GPR37: variants seen among roughly 807,000 people sequenced by gnomAD.
GPR37 encodes the protein G protein-coupled receptor 37, also known as prosaposin receptor GPR37.
In GPR37, 20 loss-of-function variants were observed where a neutral mutation model predicts 43.6. That is an observed-to-expected ratio of 0.46 (90% confidence interval 0.32 to 0.67). The LOEUF is 0.67. Among genes scored for constraint, GPR37 ranks in the 30% least tolerant of loss-of-function variants. The probability of loss-of-function intolerance (pLI) is 0.03; values close to 1 mark genes in which losing one functional copy is unlikely to be tolerated. For missense variants in GPR37, 724 were observed against 797.2 expected, an observed-to-expected ratio of 0.91 and a Z score of 1.11; for synonymous variants, 315 against 322.6, an observed-to-expected ratio of 0.98 and a Z score of 0.25.
At position 124,747,044 on chromosome 7, in the gene GPR37, C is replaced by T. The variant is rs764796365; in HGVS notation, c.1323G>A (p.Ala441=). The T allele has an allele frequency of 4.3e-6, 7 of 1,613,936 alleles. No homozygotes were observed. Among genetic ancestry groups the T allele is most frequent in the East Asian group, 4.5e-5 (2 of 44,854 alleles). The change falls in exon 2 of 2, where the codon GCG becomes GCA. Residue 441 remains alanine (A), a synonymous_variant. Coordinates refer to ENST00000303921, the MANE Select transcript of GPR37 (RefSeq NM_005302.5). ...IYVLALTYDS[A]RLWWYFGCYF... The stretch of plus-strand genomic sequence containing the variant: ...AACAGCCAAAATACCACCACAGTCT[C>T]GCACTGTCGTAGGTGAGGGCTAGAA...
intron 1 of GPR37, among the ~76,000 whole-genome samples, chr7:124,761,669 C>T (rs1300078280): frequency 6.6e-6 from 1 of 152,168 alleles, no homozygotes; most frequent in Non-Finnish European, 1.5e-5. Context: ...CCCTAAATAC[C>T]TCTTACTTTT....
intron 1 of GPR37, among the ~76,000 whole-genome samples, chr7:124,758,958 T>G (rs1272980964): frequency 2.0e-5 from 3 of 152,242 alleles, no homozygotes; most frequent in African/African-American, 7.2e-5. Context: ...AAACAGACCT[T>G]AATCTGTTAT....
rs1793907850 is a variant in GPR37 at position 124,765,302 on chromosome 7, T to C, written c.-326A>G. 2 of 285,652 alleles carry C rather than the reference T, an allele frequency of 7.0e-6. No homozygotes were observed. The highest frequency in any genetic ancestry group is 1.3e-5 in the Non-Finnish European group (2 of 154,382). The allele number at this position is 285,652 out of a possible 1,614,324, so 17.7% of individuals were successfully genotyped here. A position where few individuals can be genotyped will look rare whatever the true frequency, so the allele number is the denominator to read the frequency against. ...CAATCAACACCTGACTGTTGATTAC[T>C]GTTGAGACTCGGGGGAGCCCAGACG... On this transcript the variant is annotated 5_prime_UTR_variant, in exon 1 of 2. Coordinates refer to ENST00000303921, the MANE Select transcript of GPR37 (RefSeq NM_005302.5).
intron 1 of GPR37, among the ~76,000 whole-genome samples, chr7:124,758,912 A>C (rs1350748099): frequency 6.6e-6 from 1 of 152,168 alleles, no homozygotes; most frequent in African/African-American, 2.4e-5. Context: ...TAAACTAAAG[A>C]GAATCTCGAT....
rs564415893 is a variant in GPR37 at position 124,765,149 on chromosome 7, C to T, written c.-173G>A. On this transcript the variant is annotated 5_prime_UTR_variant, in exon 1 of 2. In the 5' UTR this introduces an upstream ATG that the reference lacks. Transcript: ENST00000303921. ...AGATCGGTCTTGGGGGTCACACACA[C>T]GCCCCCTATAATCCTTCCTCCTTTG... 9.1e-6 allele frequency: 5 copies of T among 547,420 alleles called. No homozygotes were observed. In the South Asian group the frequency reaches 1.2e-4, roughly 13 times the overall value. 33.9% of individuals were successfully genotyped at this position (547,420 alleles called of 1,614,324 possible). A position where few individuals can be genotyped will look rare whatever the true frequency, so the allele number is the denominator to read the frequency against.
intron 1 of GPR37, among the ~76,000 whole-genome samples, chr7:124,762,706 T>A (rs769492678): frequency 2.6e-5 from 4 of 152,196 alleles, no homozygotes; most frequent in Non-Finnish European, 4.4e-5. Flanking sequence ...CATGGAATGA[T>A]CCTGCACCTG....
intron 1 of GPR37, 125 bp from the exon 2 acceptor site, chr7:124,747,468 G>A: frequency 1.6e-6 from 1 of 628,770 alleles, no homozygotes; most frequent in Non-Finnish European, 2.7e-6. Context: ...GAGAGAGAGA[G>A]AGAACAGTTT....
chr7:124,761,101 A>C (rs1462233250), intron 1 of GPR37, among the ~76,000 whole-genome samples: 2 of 145,936 alleles, frequency 1.4e-5, no homozygotes, highest in Admixed American at 1.4e-4. Flanking sequence ...GGTTGCAGTG[A>C]GCTGAGATCG....
At chr7:124,748,898 ATCATT>A (rs1793703336) in intron 1 of GPR37, among the ~76,000 whole-genome samples, 3 of 152,206 alleles carry the variant, frequency 2.0e-5, no homozygotes, top group South Asian at 4.1e-4. Flanking sequence ...TAAGCATGCT[ATCATT>A]TCATTTACTT....
chr7:124,745,198 C>A lies in GPR37; in HGVS notation c.*1327G>T, dbSNP rs9655844. Among the ~76,000 whole-genome samples the A allele has an allele frequency of 0.7, 106,825 of 152,030 alleles. 38,882 individuals carry two copies. Among genetic ancestry groups the A allele is most frequent in the East Asian group, 1 (5,158 of 5,170 alleles). On this transcript the variant is annotated 3_prime_UTR_variant, in exon 2 of 2. Transcript: ENST00000303921. ...TAGAACAGAAATCAACAAGCAGAAACTACGTTTTCCCAGCAAGAAAACTGG... is the reference window on the plus strand; with the variant it reads ...TAGAACAGAAATCAACAAGCAGAAAATACGTTTTCCCAGCAAGAAAACTGG...
At chr7:124,754,489 C>T (rs1048841102) in intron 1 of GPR37, among the ~76,000 whole-genome samples, 5 of 148,364 alleles carry the variant, frequency 3.4e-5, no homozygotes, top group South Asian at 2.2e-4. Context: ...GTGATAACAC[C>T]GATGGGAAAA....
intron 1 of GPR37, among the ~76,000 whole-genome samples, chr7:124,752,140 T>G (rs1385763879): frequency 6.6e-6 from 1 of 152,086 alleles, no homozygotes; most frequent in Non-Finnish European, 1.5e-5. Flanking sequence ...CCAGCCCACA[T>G]GTGGAGCAGT....
intron 1 of GPR37, among the ~76,000 whole-genome samples, chr7:124,756,182 A>G (rs990079742): frequency 1.2e-4 from 18 of 152,166 alleles, no homozygotes; most frequent in Admixed American, 5.2e-4. Flanking sequence ...AATTAGGAAG[A>G]CAATAGTAAA....
At chr7:124,751,569 G>C (rs1345144312) in intron 1 of GPR37, among the ~76,000 whole-genome samples, 1 of 151,950 alleles carries the variant, frequency 6.6e-6, no homozygotes, top group African/African-American at 2.4e-5. Flanking sequence ...CTAGATATTG[G>C]AGCAACATGA....
intron 1 of GPR37, among the ~76,000 whole-genome samples, chr7:124,752,314 G>C (rs1171375977): frequency 6.6e-6 from 1 of 152,152 alleles, no homozygotes; most frequent in East Asian, 1.9e-4. Context: ...GAGAGAAAGA[G>C]AGAGAATCTA....
rs150172121 is a variant in GPR37 at position 124,756,884 on chromosome 7, C to A, written c.1023+7070G>T. Among the ~76,000 whole-genome samples the A allele has an allele frequency of 3.3e-5, 5 of 152,230 alleles. No homozygotes were observed. In the East Asian group the frequency reaches 9.7e-4, roughly 29 times the overall value. On this transcript the variant is annotated intron_variant, in intron 1 of 1. Transcript: ENST00000303921. ...AAAAATTGTATCAAGGTCCATGCAG[C>A]CTAAATATGAAAGCAAAGGTAGACC...
intron 1 of GPR37, among the ~76,000 whole-genome samples, chr7:124,751,040 C>T (rs1374150617): frequency 6.6e-6 from 1 of 152,124 alleles, no homozygotes; most frequent in Admixed American, 6.6e-5. Flanking sequence ...GAATCCTCCC[C>T]AGTTTTCATA....
In GPR37 at chr7:124,764,665, C is replaced by T. The variant is rs763686517; in HGVS notation, c.312G>A (p.Ala104=). Residue 104 remains alanine (A), a synonymous_variant, in exon 1 of 2, where the codon GCG becomes GCA. Coordinates refer to ENST00000303921, the MANE Select transcript of GPR37 (RefSeq NM_005302.5). The surrounding 1 kb of genome is among the most constrained non-coding windows in gnomAD (Gnocchi z 5.4). ...RDPAAGRGAE[A]SAAGPPGPPT... is the part of the protein sequence containing the mutation. ...GAGGTCCCGGGGGTCCGGCTGCCGA[C>T]GCCTCCGCCCCTCTGCCTGCAGCCG... 15 of 1,582,520 alleles carry T rather than the reference C, an allele frequency of 9.5e-6. No homozygotes were observed. Among genetic ancestry groups the T allele is most frequent in the Non-Finnish European group, 1.2e-5 (14 of 1,165,300 alleles).
intron 1 of GPR37, among the ~76,000 whole-genome samples, chr7:124,754,565 A>G (rs1793771164): frequency 6.6e-6 from 1 of 152,200 alleles, no homozygotes; most frequent in Non-Finnish European, 1.5e-5. Flanking sequence ...ATGCTCAAGT[A>G]CAGTGAAGTG....
Sources: allele counts gnomAD v4.1 joint callset (sites outside exome capture counted in the v4.1 genomes callset), GRCh38; gene constraint gnomAD v4.1.1; non-coding constraint Gnocchi (gnomAD v3.1); transcripts MANE v1.5; gene names NCBI Gene and HGNC (gene_info 2026-07-23, HGNC 2026-07-21).